ZCWPW2: variants seen among roughly 807,000 people sequenced by gnomAD.
ZCWPW2 encodes zinc finger CW-type PWWP domain protein 2.
In ZCWPW2, 45 loss-of-function variants were observed where a neutral mutation model predicts 46.6. The observed-to-expected ratio is 0.96, with a 90% CI of 0.76 to 1.24. The LOEUF (loss-of-function observed/expected upper bound fraction) is 1.24. Ranked by LOEUF, ZCWPW2 falls within the 50% of genes most tolerant of loss-of-function variation. The pLI is 0.00. For synonymous variants in ZCWPW2, 152 were observed against 137.1 expected (o/e 1.11, Z -0.76); for missense variants, 429 against 403.9 (o/e 1.06, Z -0.53).
intron 4 of ZCWPW2, among the ~76,000 whole-genome samples, chr3:28,451,094 C>T (rs73825167): frequency 0.021 from 3,125 of 152,182 alleles, 105 homozygotes; most frequent in African/African-American, 0.063. Context: ...TTTGAGGTGT[C>T]GGTTTGCTGT....
intron 5 of ZCWPW2, among the ~76,000 whole-genome samples, chr3:28,487,934 T>C (rs1402805513): frequency 6.6e-6 from 1 of 151,998 alleles, no homozygotes; most frequent in Non-Finnish European, 1.5e-5. Context: ...GCTTTGAAAA[T>C]CCCTCAATAG....
At chr3:28,510,965 T>G (rs904285968) in intron 6 of ZCWPW2, 1 of 431,984 alleles carries the variant, frequency 2.3e-6, no homozygotes, top group Non-Finnish European at 4.6e-6. Context: ...GGAACCAGAT[T>G]GAGTCTCTAC....
chr3:28,361,398 A>G (rs1704938545), intron 1 of ZCWPW2, among the ~76,000 whole-genome samples: 1 of 152,224 alleles, frequency 6.6e-6, no homozygotes, highest in Non-Finnish European at 1.5e-5. Flanking sequence ...TAAATGAAGC[A>G]TATGAAAAAA....
At chr3:28,401,350 A>G (rs547338336) in intron 2 of ZCWPW2, among the ~76,000 whole-genome samples, 1 of 152,336 alleles carries the variant, frequency 6.6e-6, no homozygotes, top group African/African-American at 2.4e-5. Flanking sequence ...AGAATTCACC[A>G]GCCAACTATC....
intron 5 of ZCWPW2, among the ~76,000 whole-genome samples, chr3:28,488,348 G>A (rs192698311): frequency 2.0e-5 from 3 of 152,296 alleles, no homozygotes; most frequent in Admixed American, 2.0e-4. Flanking sequence ...GATCTAAGAA[G>A]AGTTGTTCAT....
At chr3:28,483,885 A>C (rs553652930) in intron 5 of ZCWPW2, among the ~76,000 whole-genome samples, 1 of 152,162 alleles carries the variant, frequency 6.6e-6, no homozygotes, top group African/African-American at 2.4e-5. Context: ...TTTTTGGTCT[A>C]TTCTTTTGGA....
At chr3:28,471,589 G>A (rs1699042757) in intron 4 of ZCWPW2, among the ~76,000 whole-genome samples, 1 of 152,010 alleles carries the variant, frequency 6.6e-6, no homozygotes, top group Non-Finnish European at 1.5e-5. Context: ...GGTATAGAAG[G>A]AACATACCTC....
rs112398267 is a variant in ZCWPW2, at chr3:28,491,880, G to A, written c.611-247G>A. Among the ~76,000 whole-genome samples the A allele has an allele frequency of 2.6e-3, 388 of 152,106 alleles. 1 individual carries two copies. The highest frequency in any genetic ancestry group is 8.5e-3 in the African/African-American group (352 of 41,518). On this transcript the variant is annotated intron_variant, in intron 5 of 9. Transcript: ENST00000383768. Reference sequence around the variant, plus strand: ...ACACCAACTTGAGGACATCCAACTAGCCAACTTTAAGAGAGGAGATCTGCC... The same window carrying A: ...ACACCAACTTGAGGACATCCAACTAACCAACTTTAAGAGAGGAGATCTGCC...
At chr3:28,448,648 G>T (rs1698093038) in intron 4 of ZCWPW2, among the ~76,000 whole-genome samples, 1 of 151,674 alleles carries the variant, frequency 6.6e-6, no homozygotes, top group South Asian at 2.1e-4. Flanking sequence ...AGCCAGGCAT[G>T]TTGGCGCATG....
At chr3:28,393,053 T>C (rs1466452090) in intron 2 of ZCWPW2, among the ~76,000 whole-genome samples, 1 of 151,764 alleles carries the variant, frequency 6.6e-6, no homozygotes, top group Non-Finnish European at 1.5e-5. Context: ...TTGACAAACC[T>C]GTAGCTCAAC....
chr3:28,370,827 G>A (rs979032148), intron 1 of ZCWPW2, among the ~76,000 whole-genome samples: 12 of 152,244 alleles, frequency 7.9e-5, no homozygotes, highest in African/African-American at 1.7e-4. Context: ...CCACCTCTCC[G>A]ATTCAAGAAA....
At chr3:28,374,316 T>C (rs1302035488) in intron 1 of ZCWPW2, among the ~76,000 whole-genome samples, 2 of 152,174 alleles carry the variant, frequency 1.3e-5, no homozygotes, top group Non-Finnish European at 2.9e-5. Context: ...GGTGGTATTA[T>C]TTCTGTGTTC....
At chr3:28,407,435 A>G (rs1000050273) in intron 2 of ZCWPW2, among the ~76,000 whole-genome samples, 1 of 152,134 alleles carries the variant, frequency 6.6e-6, no homozygotes, top group Non-Finnish European at 1.5e-5. Context: ...GTTTGAATTG[A>G]TGTTTAAAGT....
chr3:28,394,418 A>G (rs189094230), intron 2 of ZCWPW2, among the ~76,000 whole-genome samples: 4 of 152,242 alleles, frequency 2.6e-5, no homozygotes, highest in African/African-American at 9.6e-5. Flanking sequence ...AGACAGTAAA[A>G]TCCTAAAACT....
At chr3:28,462,470 A>G (rs1316780277) in intron 4 of ZCWPW2, among the ~76,000 whole-genome samples, 4 of 152,208 alleles carry the variant, frequency 2.6e-5, no homozygotes, top group African/African-American at 9.6e-5. Context: ...TTTAGGCACA[A>G]TGACTTTCTG....
At chr3:28,494,787 GACAA>G (rs1289806875) in intron 6 of ZCWPW2, among the ~76,000 whole-genome samples, 1 of 137,974 alleles carries the variant, frequency 7.2e-6, no homozygotes, top group East Asian at 2.1e-4. Flanking sequence ...ACCAACAACA[GACAA>G]ACAGAGAGCC....
At chr3:28,487,659 T>G (rs1244865999) in intron 5 of ZCWPW2, among the ~76,000 whole-genome samples, 2 of 152,132 alleles carry the variant, frequency 1.3e-5, no homozygotes, top group African/African-American at 4.8e-5. Context: ...CCTTTTAGTA[T>G]GCTTATAAAT....
intron 1 of ZCWPW2, among the ~76,000 whole-genome samples, chr3:28,386,940 A>G (rs1193007631): frequency 1.3e-5 from 2 of 151,970 alleles, no homozygotes; most frequent in Non-Finnish European, 2.9e-5. Flanking sequence ...GGTGGGGCAG[A>G]CTCCTGGATA....
chr3:28,495,060 C>T (rs1397945292), intron 6 of ZCWPW2, among the ~76,000 whole-genome samples: 1 of 151,830 alleles, frequency 6.6e-6, no homozygotes, highest in Admixed American at 6.6e-5. Flanking sequence ...ACTTTCTTCA[C>T]AGAATTGGAA....
Sources: allele counts gnomAD v4.1 joint callset (sites outside exome capture counted in the v4.1 genomes callset), GRCh38; gene constraint gnomAD v4.1.1; transcripts MANE v1.5; gene names NCBI Gene and HGNC (gene_info 2026-07-23, HGNC 2026-07-21).